Variants in KIRREL3 observed in about 807,000 individuals in gnomAD.
The protein encoded by KIRREL3 is kin of IRRE-like protein 3.
A neutral mutation model predicts 89.7 loss-of-function variants in KIRREL3; 36 were observed. The ratio of observed to expected loss-of-function variants is 0.40; its 90% CI spans 0.31 to 0.53. The LOEUF (loss-of-function observed/expected upper bound fraction) is 0.53, where lower values mean the gene tolerates loss of function less well. Among genes scored for constraint, KIRREL3 ranks in the 20% least tolerant of loss-of-function variants. The pLI, the probability that KIRREL3 is intolerant of heterozygous loss-of-function variation, is 0.49. For missense variants in KIRREL3, 864 were observed against 1,056.6 expected (o/e 0.82, Z 2.53); for synonymous variants, 445 against 441.4 (o/e 1.01, Z -0.10).
chr11:126,927,261 T>C (rs1449027014), intron 1 of KIRREL3, among the ~76,000 whole-genome samples: 1 of 152,158 alleles, frequency 6.6e-6, no homozygotes, highest in African/African-American at 2.4e-5. Flanking sequence ...CGCACATGCA[T>C]ACATGCACAC....
chr11:126,977,441 T>C lies in KIRREL3; in HGVS notation c.55+23014A>G, dbSNP rs537601522. Among the ~76,000 whole-genome samples the C allele has an allele frequency of 6.6e-6, 1 of 152,344 alleles. No individual in the cohort carries two copies. Among genetic ancestry groups the C allele is most frequent in the South Asian group, 2.1e-4 (1 of 4,818 alleles). ...CTGCCTCTGGCGATGCTCCTGATCCTCCAGGATCAGGGTCTGGCCATGCCC... is the reference window on the plus strand; with the variant it reads ...CTGCCTCTGGCGATGCTCCTGATCCCCCAGGATCAGGGTCTGGCCATGCCC... On this transcript the variant is annotated intron_variant, in intron 1 of 16. Coordinates refer to ENST00000525144, the MANE Select transcript of KIRREL3 (RefSeq NM_032531.4). The surrounding 1 kb of genome is among the most constrained non-coding windows in gnomAD (Gnocchi z 4.7).
Position 126,654,337 on chromosome 11 carries a change from GTTT to G in KIRREL3, c.56-91428_56-91426del, listed in dbSNP as rs5795513. 4.0e-3 allele frequency among the ~76,000 whole-genome samples: 556 copies of G among 139,204 alleles called. 2 individuals carry two copies. The highest frequency in any genetic ancestry group is 6.9e-3 in the African/African-American group (259 of 37,338). The allele number at this position is 139,204 out of a possible 152,430, so 91.3% of individuals were successfully genotyped here. Reference sequence around the variant, plus strand: ...TGGATCTAGGATACCTAAACTGAAAGTTTTTTTTTTTTTTTTTTTCACAGCATA... The same window carrying G: ...TGGATCTAGGATACCTAAACTGAAAGTTTTTTTTTTTTTTTTCACAGCATA... On this transcript the variant is annotated intron_variant, in intron 1 of 16. Coordinates refer to ENST00000525144, the MANE Select transcript of KIRREL3 (RefSeq NM_032531.4).
In KIRREL3 at chr11:126,734,635, G is replaced by A. The variant is rs2134203720; in HGVS notation, c.56-171723C>T. Among the ~76,000 whole-genome samples, 1 of 152,054 alleles carries A rather than the reference G, an allele frequency of 6.6e-6. No homozygotes were observed. The highest frequency in any genetic ancestry group is 2.4e-5 in the African/African-American group (1 of 41,486). ...CCGAGATGTCATTGCACTCCAGCCT[G>A]GGCAACAAGAGTGAAACTCTGTCTC... On this transcript the variant is annotated intron_variant, in intron 1 of 16. Transcript: ENST00000525144. The surrounding 1 kb of genome is among the most constrained non-coding windows in gnomAD (Gnocchi z 5.9).
intron 9 of KIRREL3, among the ~76,000 whole-genome samples, 162 bp from the exon 10 acceptor site, chr11:126,445,267 C>T (rs1046959833): frequency 6.6e-6 from 1 of 152,156 alleles, no homozygotes; most frequent in African/African-American, 2.4e-5. Context: ...GTTTCCTGGC[C>T]CAGACAATGC....
At position 126,903,493 on chromosome 11, in the gene KIRREL3, G is replaced by A. The variant is rs541182435; in HGVS notation, c.55+96962C>T. Among the ~76,000 whole-genome samples the A allele has an allele frequency of 1.2e-4, 18 of 152,264 alleles. No homozygotes were observed. Among genetic ancestry groups the A allele is most frequent in the African/African-American group, 3.6e-4 (15 of 41,554 alleles). ...CTCAGCAAAGCAAGGAGAGCTGAGCGTTTTTCCGACTTAGCTTTTCTTTCT... is the reference window on the plus strand; with the variant it reads ...CTCAGCAAAGCAAGGAGAGCTGAGCATTTTTCCGACTTAGCTTTTCTTTCT... On this transcript the variant is annotated intron_variant, in intron 1 of 16. Transcript: ENST00000525144. This position sits in a 1 kb window ranked among gnomAD's most constrained non-coding sequence, Gnocchi z 4.5.
intron 1 of KIRREL3, among the ~76,000 whole-genome samples, chr11:126,982,899 C>T (rs1161160233): frequency 1.3e-5 from 2 of 152,222 alleles, no homozygotes; most frequent in Non-Finnish European, 2.9e-5. Flanking sequence ...AGTTCTCATA[C>T]TCTAGACTAA....
intron 2 of KIRREL3, among the ~76,000 whole-genome samples, chr11:126,533,150 C>A (rs919360108): frequency 6.6e-6 from 1 of 152,070 alleles, no homozygotes; most frequent in Non-Finnish European, 1.5e-5. Context: ...ATAATAAAAG[C>A]TTTACCTGGA....
chr11:126,457,193 G>GTGTGTGTGTGTGTGTGTGTA lies in KIRREL3; in HGVS notation c.743-740_743-739insTACACACACACACACACACA, dbSNP rs1244557564. On this transcript the variant is annotated intron_variant, in intron 6 of 16. Coordinates refer to ENST00000525144, the MANE Select transcript of KIRREL3 (RefSeq NM_032531.4). The stretch of plus-strand genomic sequence containing the variant: ...ATAGAGGAAGAGAGATTATGTGTGT[G>GTGTGTGTGTGTGTGTGTGTA]TGTGTGTGTGTGTGTGTATGTGTAT... Among the ~76,000 whole-genome samples the GTGTGTGTGTGTGTGTGTGTA allele has an allele frequency of 2.5e-3, 373 of 149,038 alleles. 2 individuals are homozygous for GTGTGTGTGTGTGTGTGTGTA. The highest frequency in any genetic ancestry group is 4.1e-3 in the Non-Finnish European group (277 of 67,252).
intron 1 of KIRREL3, among the ~76,000 whole-genome samples, chr11:126,626,875 G>A (rs370909763): frequency 3.1e-4 from 47 of 152,254 alleles, no homozygotes; most frequent in African/African-American, 1.1e-3. Flanking sequence ...AGGCGTGGTG[G>A]CGCATGCCTG....
intron 1 of KIRREL3, among the ~76,000 whole-genome samples, chr11:126,827,644 C>T (rs1336542207): frequency 6.6e-6 from 1 of 152,214 alleles, no homozygotes; most frequent in Non-Finnish European, 1.5e-5. Flanking sequence ...TAATGTATGG[C>T]TGCACCATTA....
chr11:126,852,820 C>T (rs1252906570), intron 1 of KIRREL3, among the ~76,000 whole-genome samples: 2 of 152,204 alleles, frequency 1.3e-5, no homozygotes, highest in East Asian at 1.9e-4. Context: ...GATCTTTGCT[C>T]TTGGCTTCTT....
rs1036023372 is a variant in KIRREL3, at chr11:126,555,385, C to G, written c.133+7450G>C. ...TGCAATATGAATGTATATGTACAAA[C>G]TGAACTCAGAGCTCTGAAAGGAAGG... is the stretch of plus-strand genomic sequence containing the variant. On this transcript the variant is annotated intron_variant, in intron 2 of 16. Coordinates refer to ENST00000525144, the MANE Select transcript of KIRREL3 (RefSeq NM_032531.4). The surrounding 1 kb of genome is among the most constrained non-coding windows in gnomAD (Gnocchi z 4.2). Among the ~76,000 whole-genome samples the G allele has an allele frequency of 1.3e-5, 2 of 152,216 alleles. No individual in the cohort carries two copies. The highest frequency in any genetic ancestry group is 6.5e-5 in the Admixed American group (1 of 15,286).
At position 126,528,097 on chromosome 11, in the gene KIRREL3, AGAGCAGGGGTTT is replaced by A; in HGVS notation, c.134-1422_134-1411del. Among the ~76,000 whole-genome samples the A allele has an allele frequency of 6.6e-6, 1 of 152,348 alleles. No individual in the cohort carries two copies. The highest frequency in any genetic ancestry group is 1.9e-4 in the East Asian group (1 of 5,186). On this transcript the variant is annotated intron_variant, in intron 2 of 16. Transcript: ENST00000525144. This position sits in a 1 kb window ranked among gnomAD's most constrained non-coding sequence, Gnocchi z 4.6. ...CAAGGTCACGCAGCTAATGAGTGTTAGAGCAGGGGTTTGAGCAGGGGCCCATCTGCATTCCAA... is the reference window on the plus strand; with the variant it reads ...CAAGGTCACGCAGCTAATGAGTGTTAGAGCAGGGGCCCATCTGCATTCCAA...
intron 1 of KIRREL3, among the ~76,000 whole-genome samples, chr11:126,583,806 G>T (rs1461531031): frequency 6.6e-6 from 1 of 152,162 alleles, no homozygotes; most frequent in East Asian, 1.9e-4. Flanking sequence ...CCGGGGAAAT[G>T]CCTGTCTTCT....
At chr11:126,854,106 C>T (rs1486742262) in intron 1 of KIRREL3, among the ~76,000 whole-genome samples, 1 of 149,362 alleles carries the variant, frequency 6.7e-6, no homozygotes, top group African/African-American at 2.5e-5. Context: ...ATGGCCTAAA[C>T]TCTTCCAGTA....
intron 5 of KIRREL3, among the ~76,000 whole-genome samples, chr11:126,466,372 G>A (rs984353149): frequency 1.3e-5 from 2 of 152,232 alleles, no homozygotes; most frequent in African/African-American, 4.8e-5. Context: ...TAGCTCGCGG[G>A]GGACCCCAGG....
At chr11:126,660,914 C>T (rs867150159) in intron 1 of KIRREL3, among the ~76,000 whole-genome samples, 3 of 152,026 alleles carry the variant, frequency 2.0e-5, no homozygotes, top group South Asian at 4.1e-4. Context: ...TTGACTTTTG[C>T]AGAGTGAGGA....
Position 126,423,530 on chromosome 11 carries a change from G to T in KIRREL3, c.*1050C>A, listed in dbSNP as rs1035812937. ...GTCCCTAACATTTATTTCAGGTGGT[G>T]ACTAGGAGGGTTGAGGTGTAGATAT... On this transcript the variant is annotated 3_prime_UTR_variant, in exon 17 of 17. Coordinates refer to ENST00000525144, the MANE Select transcript of KIRREL3 (RefSeq NM_032531.4). The T allele has an allele frequency of 2.6e-5, 4 of 152,302 alleles. No individual in the cohort carries two copies. Among genetic ancestry groups the T allele is most frequent in the East Asian group, 1.9e-4 (1 of 5,188 alleles). The allele number at this position is 152,302 out of a possible 1,614,324, so 9.4% of individuals were successfully genotyped here.
Position 126,469,997 on chromosome 11 carries a change from C to T in KIRREL3, c.591+3312G>A, listed in dbSNP as rs1368105360. On this transcript the variant is annotated intron_variant, in intron 5 of 16. Transcript: ENST00000525144. Reference sequence around the variant, plus strand: ...GGAACCCAGGCCTGCGACTGCCTGGCGCTGCCGTTCCCGTCACAGGCCCAG... The same window carrying T: ...GGAACCCAGGCCTGCGACTGCCTGGTGCTGCCGTTCCCGTCACAGGCCCAG... 4.6e-5 allele frequency among the ~76,000 whole-genome samples: 7 copies of T among 152,252 alleles called. No individual in the cohort carries two copies. In the East Asian group the frequency reaches 9.6e-4, roughly 21 times the overall value.
Sources: gnomAD v4.1 joint callset for allele counts (sites outside exome capture counted in the v4.1 genomes callset) on GRCh38, gnomAD v4.1.1 for gene constraint, Gnocchi (gnomAD v3.1) non-coding constraint, MANE v1.5 for transcripts, NCBI Gene and HGNC (gene_info 2026-07-23, HGNC 2026-07-21) for gene names.